Variants in KCNH8 observed in about 807,000 individuals in gnomAD.
KCNH8 encodes the protein potassium voltage-gated channel subfamily H member 8, also known as voltage-gated delayed rectifier potassium channel KCNH8.
A neutral mutation model predicts 103.6 loss-of-function variants in KCNH8; 70 were observed. The observed-to-expected ratio is 0.68, with a 90% CI of 0.56 to 0.82. The LOEUF (loss-of-function observed/expected upper bound fraction) is 0.82. KCNH8 is among the 40% of genes least tolerant of loss of function. The probability of loss-of-function intolerance (pLI) is 0.00; values close to 1 mark genes in which losing one functional copy is unlikely to be tolerated. For missense variants in KCNH8, 1,217 were observed against 1,329.9 expected (o/e 0.92, Z 1.32); for synonymous variants, 498 against 489.4 (o/e 1.02, Z -0.23).
intron 2 of KCNH8, among the ~76,000 whole-genome samples, chr3:19,256,511 G>A (rs1184310753): frequency 1.3e-5 from 2 of 152,078 alleles, no homozygotes; most frequent in African/African-American, 2.4e-5. Flanking sequence ...GCTGCCATCC[G>A]GTGGAACGAA....
chr3:19,447,263 A>AT (rs1016426128), intron 8 of KCNH8, among the ~76,000 whole-genome samples: 5 of 152,062 alleles, frequency 3.3e-5, no homozygotes, highest in East Asian at 1.9e-4. Flanking sequence ...CCAGAATTTT[A>AT]TTTTTTTAAC....
At chr3:19,232,614 C>T (rs2064009206) in intron 1 of KCNH8, among the ~76,000 whole-genome samples, 1 of 152,138 alleles carries the variant, frequency 6.6e-6, no homozygotes. Flanking sequence ...TGAGTGGATC[C>T]TGGGGTGCAA....
chr3:19,156,893 T>C (rs2063185777), intron 1 of KCNH8, among the ~76,000 whole-genome samples: 2 of 152,176 alleles, frequency 1.3e-5, no homozygotes, highest in South Asian at 4.2e-4. Context: ...CAGAAATAGT[T>C]TACCTTTTCT....
chr3:19,505,023 G>C (rs144343993), intron 11 of KCNH8, among the ~76,000 whole-genome samples: 1 of 148,384 alleles, frequency 6.7e-6, no homozygotes, highest in Non-Finnish European at 1.5e-5. Context: ...TAATATATAT[G>C]TATGTGTATA....
intron 5 of KCNH8, among the ~76,000 whole-genome samples, chr3:19,364,756 G>A (rs148111412): frequency 6.6e-6 from 1 of 151,978 alleles, no homozygotes; most frequent in Non-Finnish European, 1.5e-5. Context: ...CTCAAATTAG[G>A]TGACTTTAAA....
chr3:19,340,624 T>A (rs2065647916), intron 3 of KCNH8, among the ~76,000 whole-genome samples: 1 of 152,162 alleles, frequency 6.6e-6, no homozygotes, highest in South Asian at 2.1e-4. Flanking sequence ...AGATCCTTAC[T>A]TTTTGTTACT....
At chr3:19,496,974 G>A (rs926934113) in intron 11 of KCNH8, among the ~76,000 whole-genome samples, 10 of 151,764 alleles carry the variant, frequency 6.6e-5, no homozygotes, top group Non-Finnish European at 5.9e-5. Flanking sequence ...TCTAGTTTGT[G>A]TGCATAGAGG....
chr3:19,477,255 G>A (rs926011070), intron 11 of KCNH8, among the ~76,000 whole-genome samples: 1 of 152,072 alleles, frequency 6.6e-6, no homozygotes, highest in Non-Finnish European at 1.5e-5. Context: ...AATGACTGAT[G>A]TAAAATATCA....
intron 11 of KCNH8, among the ~76,000 whole-genome samples, chr3:19,495,708 AT>A (rs1477259644): frequency 6.6e-6 from 1 of 151,568 alleles, no homozygotes; most frequent in Non-Finnish European, 1.5e-5. Context: ...TTTTGTACAA[AT>A]TTAAATTTTT....
At chr3:19,262,622 G>A (rs777198604) in intron 2 of KCNH8, among the ~76,000 whole-genome samples, 1 of 151,982 alleles carries the variant, frequency 6.6e-6, no homozygotes, top group African/African-American at 2.4e-5. Context: ...AGCAAAAGAT[G>A]TCATGCCCAC....
At chr3:19,236,140 T>G (rs2064061708) in intron 1 of KCNH8, among the ~76,000 whole-genome samples, 1 of 152,192 alleles carries the variant, frequency 6.6e-6, no homozygotes, top group Non-Finnish European at 1.5e-5. Context: ...GATTTGCAAC[T>G]CCATTGCTCC....
intron 11 of KCNH8, among the ~76,000 whole-genome samples, chr3:19,506,361 C>T (rs183946647): frequency 2.6e-5 from 4 of 152,262 alleles, no homozygotes; most frequent in Admixed American, 2.0e-4. Flanking sequence ...AGGGCCAAGG[C>T]TTTGTGCAGG....
At chr3:19,454,328 A>ATTTTATG (rs2067498245) in intron 10 of KCNH8, among the ~76,000 whole-genome samples, 2 of 152,050 alleles carry the variant, frequency 1.3e-5, no homozygotes, top group African/African-American at 2.4e-5. Context: ...TGTTTCAAAA[A>ATTTTATG]CTTAACCTTA....
At chr3:19,451,467 A>G in intron 10 of KCNH8, 63 bp downstream of exon 10, 1 of 1,502,046 alleles carries the variant, frequency 6.7e-7, no homozygotes, top group Non-Finnish European at 9.2e-7. Flanking sequence ...AGAAGATGAA[A>G]TGGGGGAAAA....
chr3:19,209,552 A>G (rs1334405366), intron 1 of KCNH8, among the ~76,000 whole-genome samples: 1 of 152,094 alleles, frequency 6.6e-6, no homozygotes, highest in East Asian at 1.9e-4. Context: ...ATTACATTGT[A>G]AAGCATTCAA....
chr3:19,488,410 T>G (rs534090803), intron 11 of KCNH8, among the ~76,000 whole-genome samples: 1 of 152,362 alleles, frequency 6.6e-6, no homozygotes, highest in Admixed American at 6.5e-5. Context: ...CTATTTCCAG[T>G]AATGGCGAGG....
chr3:19,240,975 C>T (rs937615379), intron 1 of KCNH8, among the ~76,000 whole-genome samples: 3 of 152,082 alleles, frequency 2.0e-5, no homozygotes, highest in Admixed American at 1.3e-4. Context: ...TCATGATAAC[C>T]CTCTACTAGT....
intron 11 of KCNH8, among the ~76,000 whole-genome samples, chr3:19,472,745 C>T (rs892194202): frequency 2.0e-5 from 3 of 152,144 alleles, no homozygotes; most frequent in Non-Finnish European, 4.4e-5. Context: ...GAATTACATA[C>T]CTACGTTAAT....
intron 15 of KCNH8, among the ~76,000 whole-genome samples, chr3:19,523,220 A>G (rs1397622775): frequency 3.3e-5 from 5 of 151,924 alleles, no homozygotes; most frequent in African/African-American, 1.2e-4. Context: ...TCATAATTGG[A>G]TAATAGGTCA....
Sources: gnomAD v4.1 joint callset for allele counts (sites outside exome capture counted in the v4.1 genomes callset) on GRCh38, gnomAD v4.1.1 for gene constraint, MANE v1.5 for transcripts, NCBI Gene and HGNC (gene_info 2026-07-23, HGNC 2026-07-21) for gene names.